GSE1: variants seen among roughly 807,000 people sequenced by gnomAD.
GSE1 encodes genetic suppressor element 1.
Under a neutral mutation model 112.6 loss-of-function variants are expected in GSE1, and 32 were observed. The observed-to-expected ratio is 0.28, with a 90% CI of 0.21 to 0.38. The LOEUF (loss-of-function observed/expected upper bound fraction) is 0.38. GSE1 is among the 10% of genes least tolerant of loss of function. GSE1 has a pLI of 1.00. For synonymous variants in GSE1, 1,115 were observed against 735.6 expected (o/e 1.52, Z -8.35); for missense variants, 2,348 against 1,699.2 (o/e 1.38, Z -6.71).
At chr16:85,247,252 C>T (rs1905957803) in intron 1 of GSE1, among the ~76,000 whole-genome samples, 1 of 152,160 alleles carries the variant, frequency 6.6e-6, no homozygotes, top group Admixed American at 6.5e-5. Context: ...TGCTCTGTCC[C>T]CAGCACCTAG....
At chr16:85,547,878 C>CAAAAAA (rs755865916) in intron 2 of GSE1, among the ~76,000 whole-genome samples, 3 of 92,280 alleles carry the variant, frequency 3.3e-5, no homozygotes, top group Non-Finnish European at 4.3e-5. Flanking sequence ...GTCTCTGTCT[C>CAAAAAA]AAAAAAAAAA....
At chr16:85,392,608 TTTG>T (rs963898972) in intron 2 of GSE1, among the ~76,000 whole-genome samples, 3 of 152,184 alleles carry the variant, frequency 2.0e-5, no homozygotes, top group African/African-American at 4.8e-5. Context: ...TGAAAAAGTA[TTTG>T]TTGTTTATCT....
At position 85,305,898 on chromosome 16, in the gene GSE1, T is replaced by C. The variant is rs372461716; in HGVS notation, c.2284-51565T>C. Among the ~76,000 whole-genome samples, 6 of 152,242 alleles carry C rather than the reference T, an allele frequency of 3.9e-5. No individual in the cohort carries two copies. The East Asian group carries it at 7.8e-4, about 20-fold the overall frequency. ...TGAGGCCGGGAGTTCGAGACCAGCC[T>C]GGCCAACATGGTGAAACACCGTCTC... On this transcript the variant is annotated intron_variant, in intron 1 of 2. Coordinates refer to the GSE1 transcript ENST00000637419.
chr16:85,414,787 AC>A (rs2048666434), intron 2 of GSE1, among the ~76,000 whole-genome samples: 1 of 152,090 alleles, frequency 6.6e-6, no homozygotes, highest in South Asian at 2.1e-4. Flanking sequence ...GGCACCTGCC[AC>A]CATGCCTGAC....
chr16:85,234,093 A>G (rs1372724833), intron 1 of GSE1, among the ~76,000 whole-genome samples: 1 of 152,108 alleles, frequency 6.6e-6, no homozygotes, highest in Non-Finnish European at 1.5e-5. Context: ...TTTAACAACC[A>G]TTGTAGGCGT....
At chr16:85,360,372 GGGGGCAGGTGGGGCAGGGCC>G (rs534099095) in intron 2 of GSE1, among the ~76,000 whole-genome samples, 196 of 152,256 alleles carry the variant, frequency 1.3e-3, no homozygotes, top group African/African-American at 4.6e-3. Context: ...GCGGCCGGGT[GGGGGCAGGTGGGGCAGGGCC>G]GGGGCACGAA....
At chr16:85,493,502 C>G (rs925425648) in intron 2 of GSE1, among the ~76,000 whole-genome samples, 1 of 151,892 alleles carries the variant, frequency 6.6e-6, no homozygotes, top group African/African-American at 2.4e-5. Flanking sequence ...ACCTGTAATC[C>G]CAGCACTTTG....
exon 1 of GSE1, chr16:85,171,755 T>A: frequency 1.0e-6 from 1 of 985,554 alleles, no homozygotes; most frequent in Non-Finnish European, 1.2e-6. Context: ...GGCCAAGGGC[T>A]CACCCGCCAA....
intron 1 of GSE1, among the ~76,000 whole-genome samples, chr16:85,345,027 C>T (rs1420614505): frequency 6.6e-6 from 1 of 152,212 alleles, no homozygotes; most frequent in Non-Finnish European, 1.5e-5. Flanking sequence ...CGGGTTTTGC[C>T]TACAAGAAAC....
rs756573821 is a variant in GSE1, at chr16:85,270,185, C to T, written c.2284-87278C>T. ...CTCAGTGGTAACCTCCCCGGGCCAT[C>T]GGCTTCCTGAGCAGATCCTGGGGCT... On this transcript the variant is annotated intron_variant, in intron 1 of 2. Coordinates refer to the GSE1 transcript ENST00000637419. 5.4e-5 allele frequency among the ~76,000 whole-genome samples: 8 copies of T among 149,050 alleles called. No homozygotes were observed. In the East Asian group the frequency reaches 7.7e-4, roughly 14 times the overall value.
chr16:85,481,770 T>C (rs1424303109), intron 2 of GSE1, among the ~76,000 whole-genome samples: 3 of 152,120 alleles, frequency 2.0e-5, no homozygotes, highest in Admixed American at 2.0e-4. Flanking sequence ...CTTTGGGAGA[T>C]GTGGTGAGAA....
intron 14 of GSE1, 120 bp from the exon 15 acceptor site, chr16:85,670,875 C>A (rs142879955): frequency 3.0e-6 from 2 of 663,040 alleles, no homozygotes; most frequent in East Asian, 2.6e-5. Flanking sequence ...GAGAGGCCTT[C>A]GCTGGCTGCA....
chr16:85,625,041 G>T (rs767728632), intron 1 of GSE1, among the ~76,000 whole-genome samples: 40 of 152,144 alleles, frequency 2.6e-4, no homozygotes, highest in Non-Finnish European at 5.4e-4. Flanking sequence ...GTTGGTGCTG[G>T]GCACCATCTC....
At chr16:85,370,225 C>T (rs576422732) in intron 2 of GSE1, among the ~76,000 whole-genome samples, 11 of 152,166 alleles carry the variant, frequency 7.2e-5, no homozygotes, top group Non-Finnish European at 1.2e-4. Flanking sequence ...CTGGGAATGG[C>T]ACTCACCCTA....
At chr16:85,309,453 C>G (rs1453084939) in intron 1 of GSE1, among the ~76,000 whole-genome samples, 1 of 152,132 alleles carries the variant, frequency 6.6e-6, no homozygotes, top group East Asian at 1.9e-4. Context: ...ATGATCACAC[C>G]ACTGGACTCT....
chr16:85,645,744 C>T lies in GSE1; in HGVS notation c.227-2808C>T, dbSNP rs576019497. On this transcript the variant is annotated intron_variant, in intron 2 of 15. Coordinates refer to ENST00000253458, the MANE Select transcript of GSE1 (RefSeq NM_014615.5). Reference sequence around the variant, plus strand: ...ACCAAGGCCAGGTCTGAACAGAAGTCGGGCAGGATGCCGGGAGCTGATGGG... The same window carrying T: ...ACCAAGGCCAGGTCTGAACAGAAGTTGGGCAGGATGCCGGGAGCTGATGGG... Among the ~76,000 whole-genome samples, 16 of 152,336 alleles carry T rather than the reference C, an allele frequency of 1.1e-4. No individual in the cohort carries two copies. The East Asian group carries it at 1.2e-3, about 11-fold the overall frequency.
intron 1 of GSE1, among the ~76,000 whole-genome samples, chr16:85,338,652 G>T (rs575709459): frequency 6.6e-6 from 1 of 152,150 alleles, no homozygotes; most frequent in African/African-American, 2.4e-5. Context: ...TTTATCCAGC[G>T]GCTCCTAAAG....
chr16:85,536,059 A>T (rs1012402754), intron 2 of GSE1, among the ~76,000 whole-genome samples: 3 of 152,234 alleles, frequency 2.0e-5, no homozygotes, highest in African/African-American at 7.2e-5. Flanking sequence ...AGCAAAGCAG[A>T]CCCAGAAGGC....
At chr16:85,242,925 C>T (rs560341622) in intron 1 of GSE1, among the ~76,000 whole-genome samples, 1 of 152,306 alleles carries the variant, frequency 6.6e-6, no homozygotes, top group South Asian at 2.1e-4. Context: ...GATCCTCCCA[C>T]CCCAGCCTCC....
Sources: allele counts gnomAD v4.1 joint callset (sites outside exome capture counted in the v4.1 genomes callset), GRCh38; gene constraint gnomAD v4.1.1; transcripts MANE v1.5; gene names NCBI Gene and HGNC (gene_info 2026-07-23, HGNC 2026-07-21).